The following UGGT2 variants were observed in gnomAD, a reference collection of about 807,000 sequenced individuals.
UGGT2 encodes the protein UDP-glucose glycoprotein glucosyltransferase 2, also known as UDP-glucose:glycoprotein glucosyltransferase 2.
In UGGT2, 180 loss-of-function variants were observed where a neutral mutation model predicts 192.1. That is an observed-to-expected ratio of 0.94 (90% CI 0.83 to 1.06). The LOEUF (loss-of-function observed/expected upper bound fraction) is 1.06. Ranked by LOEUF, UGGT2 falls within the 50% of genes least tolerant of loss-of-function variation. UGGT2 has a pLI of 0.00. For synonymous variants in UGGT2, 580 were observed against 591.0 expected (o/e 0.98, Z 0.27); for missense variants, 1,849 against 1,795.7 (o/e 1.03, Z -0.54).
chr13:95,992,680 C>T (rs948735755), intron 7 of UGGT2, among the ~76,000 whole-genome samples: 1 of 151,974 alleles, frequency 6.6e-6, no homozygotes, highest in African/African-American at 2.4e-5. Flanking sequence ...AAAAAATGCT[C>T]GACATCACTA....
At chr13:95,831,044 C>T (rs1041435896) in intron 38 of UGGT2, among the ~76,000 whole-genome samples, 4 of 151,864 alleles carry the variant, frequency 2.6e-5, no homozygotes, top group Non-Finnish European at 5.9e-5. Context: ...AACCAAACAC[C>T]GCCTGTCCTC....
At position 95,851,418 on chromosome 13, in the gene UGGT2, G is replaced by A. The variant is rs1451239250; in HGVS notation, c.4284+2125C>T. ...GGCTGCAAGACTGCCGCTAGAGATG[G>A]TATGGAGTGAGAAGTGGGTCAAGGC... On this transcript the variant is annotated intron_variant, in intron 36 of 38. Transcript: ENST00000376747. Among the ~76,000 whole-genome samples, 3 of 152,198 alleles carry A rather than the reference G, an allele frequency of 2.0e-5. No homozygotes were observed. In the East Asian group the frequency reaches 5.8e-4, roughly 29 times the overall value.
At chr13:95,950,483 C>T (rs950295032) in intron 12 of UGGT2, among the ~76,000 whole-genome samples, 19 of 150,596 alleles carry the variant, frequency 1.3e-4, no homozygotes, top group African/African-American at 4.6e-4. Context: ...ACTGAGGATA[C>T]CAGAACAAAC....
intron 38 of UGGT2, among the ~76,000 whole-genome samples, chr13:95,816,616 T>G (rs1029614580): frequency 6.6e-6 from 1 of 152,240 alleles, no homozygotes; most frequent in Non-Finnish European, 1.5e-5. Flanking sequence ...TGGTTTCAAT[T>G]TTGTGAATTC....
At chr13:95,840,341 AT>A (rs1887731356) in intron 36 of UGGT2, among the ~76,000 whole-genome samples, 1 of 152,142 alleles carries the variant, frequency 6.6e-6, no homozygotes, top group Admixed American at 6.5e-5. Context: ...ACTTAAACAA[AT>A]TTACAAGAAA....
Position 95,801,952 on chromosome 13 carries a change from C to A in UGGT2, c.4529-140G>T, listed in dbSNP as rs562958257. 3.4e-6 allele frequency: 3 copies of A among 870,812 alleles called. No homozygotes were observed. In the African/African-American group the frequency reaches 5.1e-5, roughly 15 times the overall value. The allele number at this position is 870,812 out of a possible 1,614,324, so 53.9% of individuals were successfully genotyped here. ...AGTTCAGTACCTATATGCTTCATTA[C>A]GCAACACGAGAATAGCTCTTTGTAC... On this transcript the variant is annotated intron_variant, in intron 38 of 38. Coordinates refer to ENST00000376747, the MANE Select transcript of UGGT2 (RefSeq NM_020121.4).
chr13:96,046,336 A>C (rs1283216104), intron 1 of UGGT2, among the ~76,000 whole-genome samples: 1 of 152,230 alleles, frequency 6.6e-6, no homozygotes, highest in African/African-American at 2.4e-5. Flanking sequence ...AAATCAATTC[A>C]AGATGGATCA....
chr13:95,951,697 T>C (rs1165213306), intron 12 of UGGT2, among the ~76,000 whole-genome samples: 1 of 152,218 alleles, frequency 6.6e-6, no homozygotes, highest in Admixed American at 6.5e-5. Flanking sequence ...TAATTTGACA[T>C]GGCCATGACA....
chr13:96,051,933 T>C (rs1047484718), intron 1 of UGGT2, among the ~76,000 whole-genome samples: 2 of 152,168 alleles, frequency 1.3e-5, no homozygotes, highest in African/African-American at 2.4e-5. Context: ...GTCCTCAAAG[T>C]ACTAAGAGTA....
chr13:95,956,843 C>T (rs1169280833), intron 12 of UGGT2, among the ~76,000 whole-genome samples: 1 of 152,210 alleles, frequency 6.6e-6, no homozygotes, highest in Non-Finnish European at 1.5e-5. Flanking sequence ...CCCACAAGAA[C>T]TGAAAGCAGA....
chr13:95,894,883 T>C (rs529804016), intron 23 of UGGT2, among the ~76,000 whole-genome samples: 1 of 152,060 alleles, frequency 6.6e-6, no homozygotes, highest in African/African-American at 2.4e-5. Flanking sequence ...AAAAGACAAA[T>C]ATGGGAACCA....
At chr13:95,848,270 G>A (rs1888678303) in intron 36 of UGGT2, among the ~76,000 whole-genome samples, 1 of 152,078 alleles carries the variant, frequency 6.6e-6, no homozygotes, top group South Asian at 2.1e-4. Flanking sequence ...TCTTGTTATT[G>A]TCTTTTGCAG....
chr13:95,985,605 G>A (rs1260635090), intron 9 of UGGT2, among the ~76,000 whole-genome samples: 1 of 152,100 alleles, frequency 6.6e-6, no homozygotes, highest in African/African-American at 2.4e-5. Context: ...CCCATGCACT[G>A]CGACTTGTCA....
chr13:96,040,701 C>A (rs1216651124), intron 1 of UGGT2, among the ~76,000 whole-genome samples: 2 of 152,068 alleles, frequency 1.3e-5, no homozygotes, highest in East Asian at 3.9e-4. Context: ...ATAGTAAAGT[C>A]AAAAAATCCT....
rs746574857 is a variant in UGGT2, at chr13:95,895,315, A to C, written c.2635-11T>G. 2.2e-6 allele frequency: 3 copies of C among 1,363,740 alleles called. No homozygotes were observed. The highest frequency in any genetic ancestry group is 4.8e-5 in the Admixed American group (2 of 41,720). 84.5% of individuals were successfully genotyped at this position (1,363,740 alleles called of 1,614,324 possible). On this transcript the variant is annotated splice_polypyrimidine_tract_variant and intron_variant, in intron 22 of 38. Coordinates refer to ENST00000376747, the MANE Select transcript of UGGT2 (RefSeq NM_020121.4). ...TAAAGGTCCTAAGAACTTAAAATAAAAACAGTTATATTATCATATATCTTC... is the reference window on the plus strand; with the variant it reads ...TAAAGGTCCTAAGAACTTAAAATAACAACAGTTATATTATCATATATCTTC...
chr13:95,848,240 G>C (rs999145805), intron 36 of UGGT2, among the ~76,000 whole-genome samples: 1 of 151,872 alleles, frequency 6.6e-6, no homozygotes, highest in African/African-American at 2.4e-5. Context: ...ATATATTTTT[G>C]CCAAAAAAAC....
intron 10 of UGGT2, among the ~76,000 whole-genome samples, chr13:95,978,161 CA>C (rs2050999201): frequency 6.6e-6 from 1 of 152,000 alleles, no homozygotes; most frequent in Non-Finnish European, 1.5e-5. Context: ...GCATGTTCTG[CA>C]TATGTATCCC....
chr13:95,940,210 C>G, intron 15 of UGGT2, 119 bp from the exon 16 acceptor site: 1 of 564,464 alleles, frequency 1.8e-6, no homozygotes, highest in Non-Finnish European at 2.7e-6. Context: ...ACTACACATA[C>G]ACACATACCA....
At chr13:95,893,294 TA>T (rs765670152) in intron 24 of UGGT2, among the ~76,000 whole-genome samples, 1 of 152,162 alleles carries the variant, frequency 6.6e-6, no homozygotes, top group Non-Finnish European at 1.5e-5. Context: ...AATGACTCCC[TA>T]TAGACATAGA....
Sources: allele counts gnomAD v4.1 joint callset (sites outside exome capture counted in the v4.1 genomes callset), GRCh38; gene constraint gnomAD v4.1.1; transcripts MANE v1.5; gene names NCBI Gene and HGNC (gene_info 2026-07-23, HGNC 2026-07-21).